LTN1: variants seen among roughly 807,000 people sequenced by gnomAD.
LTN1 encodes E3 ubiquitin-protein ligase listerin.
Under a neutral mutation model 201.2 loss-of-function variants are expected in LTN1, and 88 were observed. The observed-to-expected ratio is 0.44, with a 90% CI of 0.37 to 0.52. The LOEUF (loss-of-function observed/expected upper bound fraction) is 0.52. Ranked by LOEUF, LTN1 falls within the 20% of genes least tolerant of loss-of-function variation. The pLI is 0.00. For synonymous variants in LTN1, 645 were observed against 713.5 expected (o/e 0.90, Z 1.53); for missense variants, 1,752 against 2,038.7 (o/e 0.86, Z 2.71).
At position 28,969,984 on chromosome 21, in the gene LTN1, T is replaced by C. The variant is rs1159333477; in HGVS notation, c.1176-383A>G. ...TGAGGCACCACGCCTAGCCGAGATA[T>C]TAATTTTCTATTCATGGACCAATCC... On this transcript the variant is annotated intron_variant, in intron 8 of 29. Transcript: ENST00000361371. Among the ~76,000 whole-genome samples, 5 of 152,132 alleles carry C rather than the reference T, an allele frequency of 3.3e-5. No individual in the cohort carries two copies. The East Asian group carries it at 5.8e-4, about 18-fold the overall frequency.
intron 8 of LTN1, 53 bp downstream of exon 8, chr21:28,970,499 T>C (rs2084564680): frequency 2.4e-6 from 3 of 1,259,722 alleles, no homozygotes; most frequent in Admixed American, 2.1e-5. Context: ...AAAATGAGTA[T>C]AAAAACAAGA....
intron 1 of LTN1, among the ~76,000 whole-genome samples, chr21:28,988,160 CAAAAAAAAA>C (rs2084714922): frequency 8.7e-6 from 1 of 115,534 alleles, no homozygotes; most frequent in Non-Finnish European, 1.8e-5. Context: ...AAAAAAACAA[CAAAAAAAAA>C]CAAATTGCTC....
chr21:28,934,211 G>A (rs2084235752), intron 27 of LTN1, among the ~76,000 whole-genome samples: 1 of 152,136 alleles, frequency 6.6e-6, no homozygotes, highest in South Asian at 2.1e-4. Flanking sequence ...CAAGAATCTG[G>A]TCCTACTAAA....
chr21:28,977,311 T>C (rs1444082009), intron 6 of LTN1, among the ~76,000 whole-genome samples: 1 of 143,790 alleles, frequency 7.0e-6, no homozygotes, highest in Non-Finnish European at 1.5e-5. Flanking sequence ...GAGGTGGAGG[T>C]TGCAGTGAGC....
chr21:28,955,904 C>T (rs1365960346), intron 16 of LTN1, among the ~76,000 whole-genome samples: 1 of 110,010 alleles, frequency 9.1e-6, no homozygotes, highest in Non-Finnish European at 1.7e-5. Context: ...GCCTGGGCAA[C>T]AGAGCGAGAC....
chr21:28,969,078 G>T (rs1016985420), intron 9 of LTN1, among the ~76,000 whole-genome samples: 3 of 151,910 alleles, frequency 2.0e-5, no homozygotes, highest in African/African-American at 7.2e-5. Flanking sequence ...AAAATTAGCT[G>T]GGTGTGGTGG....
chr21:28,937,498 T>G (rs768130880), intron 25 of LTN1, among the ~76,000 whole-genome samples: 2 of 152,224 alleles, frequency 1.3e-5, no homozygotes, highest in Admixed American at 1.3e-4. Context: ...ATTCATCACC[T>G]CAAGCATTTA....
intron 14 of LTN1, among the ~76,000 whole-genome samples, chr21:28,958,163 C>T (rs2084442012): frequency 6.6e-6 from 1 of 152,110 alleles, no homozygotes; most frequent in South Asian, 2.1e-4. Context: ...CTTTTCATTT[C>T]TCTTTTTTTT....
At chr21:28,955,559 AGT>A (rs566866053) in intron 16 of LTN1, among the ~76,000 whole-genome samples, 344 of 152,202 alleles carry the variant, frequency 2.3e-3, no homozygotes, top group African/African-American at 7.9e-3. Context: ...AATCAACCTA[AGT>A]GTCCATCAGT....
At position 28,963,499 on chromosome 21, in the gene LTN1, G is replaced by C. The variant is rs1338261181; in HGVS notation, c.2163+2366C>G. ...CTGTTGGAAAAACGAAGGAAAAAAAGAAAAAAATTCTACAATAAGTAGAAA... is the reference window on the plus strand; with the variant it reads ...CTGTTGGAAAAACGAAGGAAAAAAACAAAAAAATTCTACAATAAGTAGAAA... On this transcript the variant is annotated intron_variant, in intron 11 of 29. Transcript: ENST00000361371. Among the ~76,000 whole-genome samples, 2 of 152,016 alleles carry C rather than the reference G, an allele frequency of 1.3e-5. 1 individual carries two copies.
At chr21:28,989,570 G>A (rs1009390485) in intron 1 of LTN1, among the ~76,000 whole-genome samples, 1 of 151,848 alleles carries the variant, frequency 6.6e-6, no homozygotes, top group Non-Finnish European at 1.5e-5. Flanking sequence ...ACCAAACCAA[G>A]GAAGACTTAC....
chr21:28,932,362 T>C (rs187287284), intron 28 of LTN1, 108 bp downstream of exon 28: 1 of 884,088 alleles, frequency 1.1e-6, no homozygotes, highest in Non-Finnish European at 1.8e-6. Context: ...GGAAGTTTAA[T>C]ATCTACTTTT....
At chr21:28,942,298 ATTG>A (rs2084303327) in intron 24 of LTN1, among the ~76,000 whole-genome samples, 1 of 152,156 alleles carries the variant, frequency 6.6e-6, no homozygotes, top group Non-Finnish European at 1.5e-5. Flanking sequence ...CCCTCCATGC[ATTG>A]TTATTTAACT....
At chr21:28,958,238 T>C (rs989178002) in intron 14 of LTN1, 148 bp downstream of exon 14, 11 of 665,912 alleles carry the variant, frequency 1.7e-5, no homozygotes, top group Non-Finnish European at 2.5e-5. Context: ...CAACTGATCC[T>C]CCCACCTCAG....
chr21:28,960,805 G>T (rs2084471539), intron 11 of LTN1, 99 bp from the exon 12 acceptor site: 3 of 782,740 alleles, frequency 3.8e-6, no homozygotes, highest in East Asian at 2.7e-5. Context: ...TCGTTATCAT[G>T]GCTCCAATTC....
intron 6 of LTN1, among the ~76,000 whole-genome samples, chr21:28,980,080 A>G (rs907517884): frequency 1.3e-5 from 2 of 152,144 alleles, no homozygotes; most frequent in African/African-American, 4.8e-5. Context: ...AGGTTGAACA[A>G]GGCGACGTTC....
In LTN1 at chr21:28,944,535, C is replaced by A. The variant is rs768619184; in HGVS notation, c.3830G>T (p.Ser1277Ile). The change falls in exon 22 of 30, where the codon AGC (serine) becomes ATC (isoleucine). Residue 1277 changes from serine (S) to isoleucine (I), a missense_variant. Physicochemically the swap from Ser to Ile is moderately radical, Grantham distance 142. Coordinates refer to ENST00000361371, the MANE Select transcript of LTN1 (RefSeq NM_015565.3). Reference protein sequence around the residue: ...IPLVQLFACVSCDLACDLSAF... With the variant: ...IPLVQLFACVICDLACDLSAF... ...ACTGAGGTCACAGGCCAAATCACAGCTGACACAGGCAAACAGTTGCACAAG... is the reference window on the plus strand; with the variant it reads ...ACTGAGGTCACAGGCCAAATCACAGATGACACAGGCAAACAGTTGCACAAG... 6.2e-7 allele frequency: 1 copy of A among 1,613,998 alleles called. No individual in the cohort carries two copies. Among genetic ancestry groups the A allele is most frequent in the South Asian group, 1.1e-5 (1 of 91,084 alleles).
In LTN1 at chr21:28,969,463, T is replaced by C; in HGVS notation, c.1311+3A>G. ...AGACTGACGACTTTTACATTATAGATACCTGATCATTGACGAGCATCTGTT... is the reference window on the plus strand; with the variant it reads ...AGACTGACGACTTTTACATTATAGACACCTGATCATTGACGAGCATCTGTT... On this transcript the variant is annotated splice_donor_region_variant and intron_variant, in intron 9 of 29. Transcript: ENST00000361371. The C allele has an allele frequency of 6.2e-7, 1 of 1,608,138 alleles. No homozygotes were observed. The highest frequency in any genetic ancestry group is 8.5e-7 in the Non-Finnish European group (1 of 1,178,348).
intron 21 of LTN1, 94 bp from the exon 22 acceptor site, chr21:28,944,690 T>C: frequency 1.1e-6 from 1 of 906,396 alleles, no homozygotes; most frequent in Non-Finnish European, 1.7e-6. Flanking sequence ...TTTCATTTCT[T>C]TGAATTTTAA....
Sources: gnomAD v4.1 joint callset for allele counts (sites outside exome capture counted in the v4.1 genomes callset) on GRCh38, gnomAD v4.1.1 for gene constraint, MANE v1.5 for transcripts, NCBI Gene and HGNC (gene_info 2026-07-23, HGNC 2026-07-21) for gene names.